Variants in JAK2 observed in about 807,000 individuals in gnomAD.
JAK2 encodes the protein tyrosine-protein kinase JAK2.
A neutral mutation model predicts 139.3 loss-of-function variants in JAK2; 86 were observed. That is an observed-to-expected ratio of 0.62 (90% CI 0.52 to 0.74). The LOEUF (loss-of-function observed/expected upper bound fraction) is 0.74. Ranked by LOEUF, JAK2 falls within the 30% of genes least tolerant of loss-of-function variation. The pLI is 0.00. For synonymous variants in JAK2, 490 were observed against 437.7 expected (o/e 1.12, Z -1.49); for missense variants, 1,421 against 1,360.3 (o/e 1.04, Z -0.70).
chr9:5,050,863 G>A lies in JAK2; in HGVS notation c.614+32G>A, dbSNP rs766273126. The A allele has an allele frequency of 3.5e-5, 54 of 1,558,038 alleles. No individual in the cohort carries two copies. The Admixed American group carries it at 9.1e-4, about 26-fold the overall frequency. Reference sequence around the variant, plus strand: ...TTCTTTTGCAAATCCTTACACATAAGTGTGAGTAGAGATTTTATATAATTC... The same window carrying A: ...TTCTTTTGCAAATCCTTACACATAAATGTGAGTAGAGATTTTATATAATTC... On this transcript the variant is annotated intron_variant, in intron 6 of 24. Coordinates refer to ENST00000381652, the MANE Select transcript of JAK2 (RefSeq NM_004972.4).
chr9:5,091,855 G>A (rs10974956), intron 22 of JAK2, among the ~76,000 whole-genome samples: 2 of 152,178 alleles, frequency 1.3e-5, no homozygotes, highest in South Asian at 2.1e-4. Context: ...TGTTAGTTAT[G>A]AAATTAAGCT....
rs1299490056 is a variant in JAK2 at position 5,080,323 on chromosome 9, T to A, written c.2226T>A (p.Thr742=). The change falls in exon 17 of 25, where the codon ACT becomes ACA. Residue 742 remains threonine (T), a synonymous_variant. Transcript: ENST00000381652. The part of the protein sequence containing the change: ...LATDKWSFGT[T]LWEICSGGDK... Reference sequence around the variant, plus strand: ...CAGACAAATGGAGTTTTGGTACCACTTTGTGGGAAATCTGCAGTGGAGGAG... The same window carrying A: ...CAGACAAATGGAGTTTTGGTACCACATTGTGGGAAATCTGCAGTGGAGGAG... 2 of 1,614,012 alleles carry A rather than the reference T, an allele frequency of 1.2e-6. No individual in the cohort carries two copies. Among genetic ancestry groups the A allele is most frequent in the Admixed American group, 1.7e-5 (1 of 60,020 alleles).
At chr9:5,019,160 A>G (rs1243684813) in intron 2 of JAK2, among the ~76,000 whole-genome samples, 1 of 151,898 alleles carries the variant, frequency 6.6e-6, no homozygotes, top group Non-Finnish European at 1.5e-5. Context: ...TTCCTTTTGT[A>G]TTTTCATTGT....
intron 2 of JAK2, among the ~76,000 whole-genome samples, chr9:5,010,567 C>T (rs149244992): frequency 0.014 from 2,148 of 152,208 alleles, 62 homozygotes; most frequent in African/African-American, 0.049. Context: ...GTGATTCACC[C>T]GCCTCGGCCT....
chr9:5,042,389 G>A (rs1197975885), intron 4 of JAK2, among the ~76,000 whole-genome samples: 2 of 150,844 alleles, frequency 1.3e-5, no homozygotes, highest in African/African-American at 2.4e-5. Context: ...CACCCGCCTC[G>A]GCCTCCCAAA....
At chr9:5,097,465 A>G (rs930884010) in intron 22 of JAK2, 2 of 152,182 alleles carry the variant, frequency 1.3e-5, no homozygotes, top group East Asian at 3.8e-4. Context: ...ATTTGGGTAT[A>G]TGGGCATAGT....
rs1250547681 is a variant in JAK2 at position 5,126,271 on chromosome 9, T to C, written c.3178-62T>C. 11 of 1,214,718 alleles carry C rather than the reference T, an allele frequency of 9.1e-6. 1 individual carries two copies. The highest frequency in any genetic ancestry group is 7.3e-5 in the East Asian group (3 of 41,180). The allele number at this position is 1,214,718 out of a possible 1,614,324, so 75.2% of individuals were successfully genotyped here. On this transcript the variant is annotated intron_variant, in intron 23 of 24. Coordinates refer to ENST00000381652, the MANE Select transcript of JAK2 (RefSeq NM_004972.4). ...ATTTTTTCCCATTGACTGGAGGAAA[T>C]TGAGAAAGAATTTTGCTACAAATTA...
At chr9:5,085,446 G>T (rs1430000852) in intron 19 of JAK2, 15 of 740,314 alleles carry the variant, frequency 2.0e-5, no homozygotes, top group Non-Finnish European at 3.3e-5. Flanking sequence ...CAGTATTCTT[G>T]AAGGTCTTTT....
intron 2 of JAK2, among the ~76,000 whole-genome samples, chr9:5,016,107 C>T (rs1474872362): frequency 6.6e-6 from 1 of 152,166 alleles, no homozygotes; most frequent in African/African-American, 2.4e-5. Context: ...CGTCGCTTCC[C>T]TCCAAATAGA....
At chr9:5,047,111 AT>A (rs1285422285) in intron 5 of JAK2, among the ~76,000 whole-genome samples, 1 of 152,100 alleles carries the variant, frequency 6.6e-6, no homozygotes, top group Non-Finnish European at 1.5e-5. Flanking sequence ...GCAATTTTCT[AT>A]TTTTTAATGT....
At chr9:5,039,684 T>C (rs1816341344) in intron 4 of JAK2, among the ~76,000 whole-genome samples, 1 of 152,076 alleles carries the variant, frequency 6.6e-6, no homozygotes, top group Non-Finnish European at 1.5e-5. Flanking sequence ...TGTATTTCTA[T>C]ACAGAGACAA....
chr9:5,082,011 T>G, intron 19 of JAK2, 150 bp downstream of exon 19: 2 of 665,192 alleles, frequency 3.0e-6, no homozygotes, highest in South Asian at 4.1e-5. Flanking sequence ...AATGCTGTGT[T>G]AAATAAACAG....
chr9:5,061,106 T>C (rs1172606789), intron 8 of JAK2, among the ~76,000 whole-genome samples: 1 of 152,226 alleles, frequency 6.6e-6, no homozygotes, highest in African/African-American at 2.4e-5. Flanking sequence ...AAACAATAGA[T>C]GTGCTGTCAT....
intron 10 of JAK2, 145 bp downstream of exon 10, chr9:5,066,934 A>T (rs1483726367): frequency 7.8e-6 from 3 of 382,302 alleles, no homozygotes; most frequent in Non-Finnish European, 1.4e-5. Context: ...TTCCTCAGAG[A>T]TTCTGTACAA....
intron 3 of JAK2, among the ~76,000 whole-genome samples, chr9:5,027,598 T>C (rs1822860959): frequency 6.6e-6 from 1 of 152,198 alleles, no homozygotes; most frequent in Non-Finnish European, 1.5e-5. Context: ...GATGTCTCTG[T>C]AGTATGCAAT....
At chr9:5,111,414 A>G in intron 22 of JAK2, 1 of 401,016 alleles carries the variant, frequency 2.5e-6, no homozygotes, top group Middle Eastern at 6.5e-4. Flanking sequence ...CTGGACACGC[A>G]GCCCACGAAG....
At chr9:5,031,170 A>G (rs1191346708) in intron 4 of JAK2, among the ~76,000 whole-genome samples, 2 of 152,222 alleles carry the variant, frequency 1.3e-5, no homozygotes, top group Admixed American at 6.5e-5. Flanking sequence ...CTCTAAGCCA[A>G]TCAAAATCCT....
At chr9:5,092,594 C>T (rs546723005) in intron 22 of JAK2, among the ~76,000 whole-genome samples, 26 of 152,088 alleles carry the variant, frequency 1.7e-4, no homozygotes, top group Admixed American at 1.0e-3. Context: ...GATACAGTAC[C>T]GTAAGGGAAA....
intron 22 of JAK2, chr9:5,110,685 CCTTT>C (rs879754826): frequency 2.8e-5 from 9 of 322,022 alleles, no homozygotes; most frequent in Non-Finnish European, 5.5e-5. Context: ...ACGCCTGAGC[CCTTT>C]CTATTACTCT....
Sources: gnomAD v4.1 joint callset for allele counts (sites outside exome capture counted in the v4.1 genomes callset) on GRCh38, gnomAD v4.1.1 for gene constraint, MANE v1.5 for transcripts, NCBI Gene and HGNC (gene_info 2026-07-23, HGNC 2026-07-21) for gene names.